The following OPCML variants were observed in gnomAD, a reference collection of about 807,000 sequenced individuals.
The protein encoded by OPCML is opioid binding protein/cell adhesion molecule like.
A neutral mutation model predicts 37.8 loss-of-function variants in OPCML; 13 were observed. The ratio of observed to expected loss-of-function variants is 0.34; its 90% CI spans 0.22 to 0.55. OPCML has a LOEUF of 0.55. OPCML is among the 20% of genes least tolerant of loss of function. OPCML has a pLI of 0.91. For missense variants in OPCML, 341 were observed against 435.6 expected (o/e 0.78, Z 1.93); for synonymous variants, 176 against 168.8 (o/e 1.04, Z -0.33).
intron 1 of OPCML, among the ~76,000 whole-genome samples, chr11:132,996,792 C>A (rs1031550077): frequency 6.6e-6 from 1 of 152,100 alleles, no homozygotes; most frequent in African/African-American, 2.4e-5. Context: ...TAAGGCCAGT[C>A]AAAACCATTC....
intron 3 of OPCML, among the ~76,000 whole-genome samples, chr11:132,653,944 A>T (rs565438372): frequency 6.6e-6 from 1 of 152,360 alleles, no homozygotes; most frequent in African/African-American, 2.4e-5. Context: ...GTTTGAAATT[A>T]AAGGCAAGAT....
chr11:132,751,155 G>A (rs571770934), intron 2 of OPCML, among the ~76,000 whole-genome samples: 50 of 152,226 alleles, frequency 3.3e-4, no homozygotes, highest in African/African-American at 1.2e-3. Flanking sequence ...AACCTCCCCT[G>A]TCCCTTTCTT....
intron 1 of OPCML, among the ~76,000 whole-genome samples, chr11:133,199,985 T>A (rs139034451): frequency 8.1e-4 from 124 of 152,282 alleles, no homozygotes; most frequent in African/African-American, 2.8e-3. Flanking sequence ...AAGAGAAGTC[T>A]TTCACAGTCT....
At chr11:132,451,200 A>G (rs1480226227) in intron 4 of OPCML, among the ~76,000 whole-genome samples, 1 of 152,210 alleles carries the variant, frequency 6.6e-6, no homozygotes, top group African/African-American at 2.4e-5. Context: ...AGAAGAGACC[A>G]TTTCCATCAA....
At chr11:133,215,331 TTC>T (rs1281311256) in intron 1 of OPCML, among the ~76,000 whole-genome samples, 1 of 152,212 alleles carries the variant, frequency 6.6e-6, no homozygotes, top group Non-Finnish European at 1.5e-5. Context: ...ACTCTAGTCA[TTC>T]TTTTTAGGAA....
intron 1 of OPCML, among the ~76,000 whole-genome samples, chr11:133,347,100 T>G (rs1034313345): frequency 6.6e-6 from 1 of 152,232 alleles, no homozygotes; most frequent in African/African-American, 2.4e-5. Context: ...TATTTACTTT[T>G]TTGTTGGTGG....
intron 1 of OPCML, among the ~76,000 whole-genome samples, chr11:133,178,268 AG>A (rs1565488158): frequency 6.6e-6 from 1 of 152,050 alleles, no homozygotes; most frequent in Non-Finnish European, 1.5e-5. Context: ...GTTCAGGCAA[AG>A]GTCAGAGGGT....
At chr11:132,500,374 G>A (rs1274931824) in intron 4 of OPCML, among the ~76,000 whole-genome samples, 1 of 152,084 alleles carries the variant, frequency 6.6e-6, no homozygotes, top group Non-Finnish European at 1.5e-5. Flanking sequence ...GGAAAATTTA[G>A]TCAAAATTTG....
intron 1 of OPCML, among the ~76,000 whole-genome samples, chr11:133,129,720 T>C (rs574430590): frequency 2.6e-5 from 4 of 152,092 alleles, no homozygotes; most frequent in East Asian, 1.9e-4. Context: ...CTGGGCAACA[T>C]AGCAAGAACC....
chr11:133,496,337 G>A (rs997563467), intron 1 of OPCML, among the ~76,000 whole-genome samples: 3 of 152,144 alleles, frequency 2.0e-5, no homozygotes, highest in Non-Finnish European at 2.9e-5. Flanking sequence ...GTAGTGTGAC[G>A]CCTCCAGATT....
At chr11:133,395,306 CT>C (rs1176478784) in intron 1 of OPCML, among the ~76,000 whole-genome samples, 1 of 152,070 alleles carries the variant, frequency 6.6e-6, no homozygotes, top group Non-Finnish European at 1.5e-5. Flanking sequence ...CAAATATTTT[CT>C]CCCGTCCTGT....
At chr11:133,195,978 C>T (rs1282620526) in intron 1 of OPCML, among the ~76,000 whole-genome samples, 2 of 152,186 alleles carry the variant, frequency 1.3e-5, no homozygotes, top group Admixed American at 6.5e-5. Flanking sequence ...AGCTTAAGGG[C>T]TCAGAGAATA....
At chr11:132,705,053 C>A (rs577571210) in intron 2 of OPCML, among the ~76,000 whole-genome samples, 1 of 152,128 alleles carries the variant, frequency 6.6e-6, no homozygotes, top group Non-Finnish European at 1.5e-5. Context: ...TCATACAGAA[C>A]CAGCGAGTGT....
intron 4 of OPCML, among the ~76,000 whole-genome samples, chr11:132,460,832 A>G (rs1273398459): frequency 2.6e-4 from 40 of 152,374 alleles, no homozygotes; most frequent in Non-Finnish European, 5.9e-5. Flanking sequence ...GTGTTCTCTT[A>G]GGAAGCATTC....
At chr11:132,996,394 C>A (rs572858253) in intron 1 of OPCML, among the ~76,000 whole-genome samples, 1 of 150,476 alleles carries the variant, frequency 6.6e-6, no homozygotes, top group East Asian at 2.0e-4. Flanking sequence ...CCGAGATGGG[C>A]AGATCTGAAG....
At chr11:133,017,650 A>G (rs879343839) in intron 1 of OPCML, among the ~76,000 whole-genome samples, 2 of 152,164 alleles carry the variant, frequency 1.3e-5, no homozygotes, top group Admixed American at 6.5e-5. Context: ...CGGCCTCCCA[A>G]ACTGCTGAGA....
chr11:133,531,139 C>G (rs1489327053), intron 1 of OPCML, among the ~76,000 whole-genome samples: 2 of 152,200 alleles, frequency 1.3e-5, no homozygotes, highest in Non-Finnish European at 2.9e-5. Context: ...AAAACCGACA[C>G]TTTTGCTGCT....
chr11:132,817,701 A>C (rs1939711340), intron 2 of OPCML, among the ~76,000 whole-genome samples: 1 of 152,014 alleles, frequency 6.6e-6, no homozygotes, highest in Non-Finnish European at 1.5e-5. Context: ...GGCAAAAGGG[A>C]GGGATTAGAT....
At chr11:133,090,136 C>G (rs1384279712) in intron 1 of OPCML, among the ~76,000 whole-genome samples, 1 of 152,160 alleles carries the variant, frequency 6.6e-6, no homozygotes, top group Non-Finnish European at 1.5e-5. Flanking sequence ...AGCATCCTCT[C>G]CGCCCTTACT....
Sources: allele counts gnomAD v4.1 joint callset (sites outside exome capture counted in the v4.1 genomes callset), GRCh38; gene constraint gnomAD v4.1.1; transcripts MANE v1.5; gene names NCBI Gene and HGNC (gene_info 2026-07-23, HGNC 2026-07-21).